FXR2: variants seen among roughly 807,000 people sequenced by gnomAD.
FXR2 encodes FMR1 autosomal homolog 2.
FXR2 carries 9 observed loss-of-function variants against 87.3 expected under a neutral mutation model. The observed-to-expected ratio is 0.10, with a 90% CI of 0.06 to 0.18. The LOEUF (loss-of-function observed/expected upper bound fraction) is 0.18. Among genes scored for constraint, FXR2 ranks in the 10% least tolerant of loss-of-function variants. The pLI, the probability that FXR2 is intolerant of heterozygous loss-of-function variation, is 1.00. For missense variants in FXR2, 661 were observed against 893.6 expected (o/e 0.74, Z 3.32); for synonymous variants, 331 against 328.3 (o/e 1.01, Z -0.09).
chr17:7,592,426 A>G lies in FXR2; in HGVS notation c.1826-72T>C. 1 of 1,547,976 alleles carries G rather than the reference A, an allele frequency of 6.5e-7. No individual in the cohort carries two copies. Among genetic ancestry groups the G allele is most frequent in the Non-Finnish European group, 8.9e-7 (1 of 1,119,728 alleles). ...CAGCCTAAGACACCCACTGAACCCG[A>G]ACCCCTGATTTTCACAGGGGTGAGC... On this transcript the variant is annotated intron_variant, in intron 15 of 16. Coordinates refer to ENST00000250113, the MANE Select transcript of FXR2 (RefSeq NM_004860.4). The surrounding 1 kb of genome is among the most constrained non-coding windows in gnomAD (Gnocchi z 4.8).
chr17:7,606,345 T>C (rs1203141733), intron 1 of FXR2, among the ~76,000 whole-genome samples, 196 bp from the exon 2 acceptor site: 1 of 152,022 alleles, frequency 6.6e-6, no homozygotes, highest in Non-Finnish European at 1.5e-5. Context: ...AATGATATTG[T>C]CATGGAGAGG....
chr17:7,608,802 T>G (rs760240541), intron 1 of FXR2, among the ~76,000 whole-genome samples: 2 of 152,222 alleles, frequency 1.3e-5, no homozygotes, highest in Non-Finnish European at 2.9e-5. Context: ...ATTGCAGTGA[T>G]GGACTCAGTT....
Position 7,594,626 on chromosome 17 carries a change from T to C in FXR2, c.910+53A>G. 9.0e-7 allele frequency: 1 copy of C among 1,115,946 alleles called. No homozygotes were observed. Among genetic ancestry groups the C allele is most frequent in the Non-Finnish European group, 1.4e-6 (1 of 725,214 alleles). The allele number at this position is 1,115,946 out of a possible 1,614,324, so 69.1% of individuals were successfully genotyped here. A position where few individuals can be genotyped will look rare whatever the true frequency, so the allele number is the denominator to read the frequency against. The stretch of plus-strand genomic sequence containing the variant: ...ATCCTGGATAAAAGCTCAGAATCAC[T>C]GTAGAGAATCTTGATTCTGACCTCT... On this transcript the variant is annotated intron_variant, in intron 9 of 16. Coordinates refer to ENST00000250113, the MANE Select transcript of FXR2 (RefSeq NM_004860.4). This position sits in a 1 kb window ranked among gnomAD's most constrained non-coding sequence, Gnocchi z 5.1.
At chr17:7,596,084 T>G in intron 7 of FXR2, 90 bp from the exon 8 acceptor site, 1 of 966,334 alleles carries the variant, frequency 1.0e-6, no homozygotes, top group Non-Finnish European at 1.6e-6. Context: ...TAAGGAAAAC[T>G]GTGTGATATT....
rs1027281971 is a variant in FXR2 at position 7,595,536 on chromosome 17, A to C, written c.831+288T>G. ...AGGTTGTTCTCCAACTCCCAGGCTCAAGTGATCCTCCCCTCTATCTTCCCA... is the reference window on the plus strand; with the variant it reads ...AGGTTGTTCTCCAACTCCCAGGCTCCAGTGATCCTCCCCTCTATCTTCCCA... On this transcript the variant is annotated intron_variant, in intron 8 of 16. Transcript: ENST00000250113. This position sits in a 1 kb window ranked among gnomAD's most constrained non-coding sequence, Gnocchi z 4.7. 6.6e-6 allele frequency among the ~76,000 whole-genome samples: 1 copy of C among 152,084 alleles called. No individual in the cohort carries two copies. The highest frequency in any genetic ancestry group is 2.4e-5 in the African/African-American group (1 of 41,388).
intron 3 of FXR2, among the ~76,000 whole-genome samples, chr17:7,605,063 A>G (rs1051952655): frequency 6.6e-6 from 1 of 152,056 alleles, no homozygotes; most frequent in Non-Finnish European, 1.5e-5. Flanking sequence ...AACCAGAGGA[A>G]GGAACTAATT....
intron 7 of FXR2, among the ~76,000 whole-genome samples, chr17:7,598,998 G>A (rs993437723): frequency 6.6e-6 from 1 of 152,180 alleles, no homozygotes; most frequent in Admixed American, 6.5e-5. Context: ...TTATCCAGAC[G>A]TGGGGGCGCG....
chr17:7,594,780 T>G lies in FXR2; in HGVS notation c.832-23A>C, dbSNP rs1348573857. On this transcript the variant is annotated intron_variant, in intron 8 of 16. Transcript: ENST00000250113. The surrounding 1 kb of genome is among the most constrained non-coding windows in gnomAD (Gnocchi z 5.1). ...AGTCTAAAGGAAGAACAGCAGGGAG[T>G]TGTTACTAAAACAGAAGACCAGCTG... The G allele has an allele frequency of 1.3e-6, 2 of 1,496,062 alleles. No homozygotes were observed. Among genetic ancestry groups the G allele is most frequent in the Non-Finnish European group, 1.9e-6 (2 of 1,072,668 alleles). The allele number at this position is 1,496,062 out of a possible 1,614,324, so 92.7% of individuals were successfully genotyped here.
Position 7,593,406 on chromosome 17 carries a change from A to G in FXR2, c.1327T>C (p.Tyr443His). 6.4e-7 allele frequency: 1 copy of G among 1,565,212 alleles called. No homozygotes were observed. Among genetic ancestry groups the G allele is most frequent in the South Asian group, 1.2e-5 (1 of 85,248 alleles). Reference protein sequence around the residue: ...GRGRRTGGPAYGPSSDVSTAS... With the variant: ...GRGRRTGGPAHGPSSDVSTAS... Reference sequence around the variant, plus strand: ...CCTGTTCCCATAACTGTCTCACCATAGGCAGGACCGCCTGTCCTCCGGCCA... The same window carrying G: ...CCTGTTCCCATAACTGTCTCACCATGGGCAGGACCGCCTGTCCTCCGGCCA... Residue 443 changes from tyrosine to histidine, a missense_variant, in exon 12 of 17, where the codon TAT (tyrosine) becomes CAT (histidine). Transcript: ENST00000250113. This position sits in a 1 kb window ranked among gnomAD's most constrained non-coding sequence, Gnocchi z 6.1.
chr17:7,603,184 T>C (rs1486756568), intron 5 of FXR2, among the ~76,000 whole-genome samples, 182 bp from the exon 6 acceptor site: 1 of 135,612 alleles, frequency 7.4e-6, no homozygotes, highest in Non-Finnish European at 1.6e-5. Context: ...CTGTCTCTAT[T>C]AAAAAAAAAA....
intron 1 of FXR2, among the ~76,000 whole-genome samples, chr17:7,609,276 C>A (rs2071829728): frequency 6.6e-6 from 1 of 152,200 alleles, no homozygotes; most frequent in South Asian, 2.1e-4. Context: ...TAGAACTAAT[C>A]AATCACAAAC....
intron 1 of FXR2, among the ~76,000 whole-genome samples, chr17:7,608,899 T>TA (rs1312679186): frequency 1.3e-5 from 2 of 152,258 alleles, no homozygotes; most frequent in Admixed American, 6.5e-5. Flanking sequence ...AGATGTTTTT[T>TA]AAAAAAATTA....
chr17:7,611,097 G>C (rs1180684672), intron 1 of FXR2, among the ~76,000 whole-genome samples: 1 of 152,194 alleles, frequency 6.6e-6, no homozygotes, highest in African/African-American at 2.4e-5. Flanking sequence ...GGAGTAGGAA[G>C]ATTGCGCCCT....
intron 7 of FXR2, among the ~76,000 whole-genome samples, chr17:7,601,071 C>A (rs1411688412): frequency 6.6e-6 from 1 of 151,432 alleles, no homozygotes. Flanking sequence ...CCCAGCTACT[C>A]AGAAGGCTGA....
In FXR2 at chr17:7,614,461, G is replaced by T; in HGVS notation, c.72C>A (p.Ala24=). The change falls in exon 1 of 17, where the codon GCC becomes GCA. Residue 24 remains alanine, a synonymous_variant. Transcript: ENST00000250113. ...LPVEVRGSNG[A]FYKGFVKDVH... is the part of the protein sequence containing the mutation. Reference sequence around the variant, plus strand: ...CGGCGCGCCGTCTCACCTTGTAGAAGGCCCCGTTGGAGCCGCGCACCTCGA... The same window carrying T: ...CGGCGCGCCGTCTCACCTTGTAGAATGCCCCGTTGGAGCCGCGCACCTCGA... 1 of 1,539,798 alleles carries T rather than the reference G, an allele frequency of 6.5e-7. No individual in the cohort carries two copies. The highest frequency in any genetic ancestry group is 8.7e-7 in the Non-Finnish European group (1 of 1,144,842).
intron 7 of FXR2, among the ~76,000 whole-genome samples, chr17:7,598,811 C>T (rs2071729015): frequency 1.3e-5 from 2 of 152,176 alleles, no homozygotes; most frequent in African/African-American, 4.8e-5. Context: ...GGGTTCGCGA[C>T]CAGCCTAGCC....
At chr17:7,603,672 A>G in intron 5 of FXR2, 85 bp downstream of exon 5, 1 of 1,362,954 alleles carries the variant, frequency 7.3e-7, no homozygotes, top group Non-Finnish European at 1.0e-6. Context: ...AGAAAACTGC[A>G]AAGTGGGAGT....
intron 7 of FXR2, among the ~76,000 whole-genome samples, chr17:7,598,709 AAAC>A (rs1228331571): frequency 6.6e-6 from 1 of 151,702 alleles, no homozygotes; most frequent in South Asian, 2.1e-4. Context: ...AAAAATTAAA[AAAC>A]AACAACAAAA....
Position 7,603,303 on chromosome 17 carries a change from G to A in FXR2, c.450-301C>T, listed in dbSNP as rs564372150. 6.6e-5 allele frequency among the ~76,000 whole-genome samples: 10 copies of A among 152,098 alleles called. No homozygotes were observed. In the South Asian group the frequency reaches 1.0e-3, roughly 16 times the overall value. On this transcript the variant is annotated intron_variant, in intron 5 of 16. Transcript: ENST00000250113. ...AGCACTTTGGGAGGCTGAGGCAGGC[G>A]GATCACTTGAGGTCAGGAGTTTGAG...
Sources: allele counts gnomAD v4.1 joint callset (sites outside exome capture counted in the v4.1 genomes callset), GRCh38; gene constraint gnomAD v4.1.1; non-coding constraint Gnocchi (gnomAD v3.1); transcripts MANE v1.5; gene names NCBI Gene and HGNC (gene_info 2026-07-23, HGNC 2026-07-21).